TMED3: variants seen among roughly 807,000 people sequenced by gnomAD.
TMED3 encodes the protein transmembrane emp24 domain-containing protein 3.
A neutral mutation model predicts 15.0 loss-of-function variants in TMED3; 9 were observed. The observed-to-expected ratio is 0.60, with a 90% confidence interval of 0.36 to 1.04. The LOEUF is 1.04. Among genes scored for constraint, TMED3 ranks in the 50% least tolerant of loss-of-function variants. The pLI is 0.01. For missense variants in TMED3, 267 were observed against 278.9 expected (o/e 0.96, Z 0.30); for synonymous variants, 117 against 121.4 (o/e 0.96, Z 0.24).
At chr15:79,400,544 A>C (rs1445903724) in intron 2 of TMED3, among the ~76,000 whole-genome samples, 1 of 152,250 alleles carries the variant, frequency 6.6e-6, no homozygotes, top group Non-Finnish European at 1.5e-5. Context: ...CCTAGGGTCT[A>C]GAGTTGATTA....
chr15:79,339,560 T>C (rs1028395177), intron 2 of TMED3, among the ~76,000 whole-genome samples: 3 of 152,198 alleles, frequency 2.0e-5, no homozygotes, highest in African/African-American at 7.2e-5. Context: ...CAGTGTCGGA[T>C]AGCTCCAAAT....
intron 2 of TMED3, among the ~76,000 whole-genome samples, chr15:79,339,213 C>G (rs2058840045): frequency 6.6e-6 from 1 of 152,198 alleles, no homozygotes; most frequent in South Asian, 2.1e-4. Context: ...GGCCCCCTGT[C>G]CAGTGGACAC....
At chr15:79,328,244 C>T (rs1358577605) in intron 2 of TMED3, among the ~76,000 whole-genome samples, 1 of 152,160 alleles carries the variant, frequency 6.6e-6, no homozygotes, top group Non-Finnish European at 1.5e-5. Flanking sequence ...GGCTGATCCT[C>T]TTAGGATCAC....
intron 2 of TMED3, among the ~76,000 whole-genome samples, chr15:79,388,723 G>A (rs1595908775): frequency 6.6e-6 from 1 of 152,126 alleles, no homozygotes; most frequent in Admixed American, 6.5e-5. Flanking sequence ...GTGTAAAAGT[G>A]TTCCCTGATC....
chr15:79,342,303 GAA>G (rs1191423678), intron 2 of TMED3, among the ~76,000 whole-genome samples: 3 of 152,140 alleles, frequency 2.0e-5, no homozygotes, highest in South Asian at 4.2e-4. Flanking sequence ...TTGTATACAA[GAA>G]ACACAATTAA....
At chr15:79,347,327 AAC>A (rs2141231837) in intron 2 of TMED3, among the ~76,000 whole-genome samples, 1 of 152,322 alleles carries the variant, frequency 6.6e-6, no homozygotes, top group East Asian at 1.9e-4. Flanking sequence ...AATAAAATTC[AAC>A]ACTGCTTCAT....
At chr15:79,353,165 A>C (rs1210375221) in intron 2 of TMED3, among the ~76,000 whole-genome samples, 1 of 69,726 alleles carries the variant, frequency 1.4e-5, no homozygotes, top group African/African-American at 6.4e-5. Flanking sequence ...ATATATAAAT[A>C]TATATACATA....
At chr15:79,394,997 T>C (rs1893744883) in intron 2 of TMED3, among the ~76,000 whole-genome samples, 1 of 152,220 alleles carries the variant, frequency 6.6e-6, no homozygotes. Context: ...TTATAGGCTA[T>C]CAAGCTATGT....
At chr15:79,413,036 A>C (rs993312632) in exon 3 of TMED3, 1 of 152,180 alleles carries the variant, frequency 6.6e-6, no homozygotes, top group African/African-American at 2.4e-5. Context: ...CCTCAAGGTC[A>C]TCAAATAGGA....
intron 2 of TMED3, among the ~76,000 whole-genome samples, chr15:79,359,174 G>T (rs1476600445): frequency 6.6e-6 from 1 of 151,678 alleles, no homozygotes; most frequent in African/African-American, 2.4e-5. Context: ...AAAGTGGACT[G>T]TGTGCTTATT....
intron 2 of TMED3, among the ~76,000 whole-genome samples, chr15:79,387,575 TACAC>T (rs576447801): frequency 1.4e-5 from 2 of 147,128 alleles, no homozygotes; most frequent in African/African-American, 2.5e-5. Flanking sequence ...GAAATTAAAA[TACAC>T]ACACACATGC....
intron 2 of TMED3, among the ~76,000 whole-genome samples, chr15:79,381,580 T>C (rs1893536665): frequency 6.6e-6 from 1 of 152,224 alleles, no homozygotes; most frequent in African/African-American, 2.4e-5. Flanking sequence ...CAGAGGTTTG[T>C]TCCCCTGCCC....
At chr15:79,394,675 C>T (rs1893740011) in intron 2 of TMED3, among the ~76,000 whole-genome samples, 2 of 152,226 alleles carry the variant, frequency 1.3e-5, no homozygotes, top group South Asian at 4.1e-4. Flanking sequence ...CATTCTTTCT[C>T]CTGCTACGTT....
chr15:79,387,611 CACACACACAT>C (rs1893642988), intron 2 of TMED3, among the ~76,000 whole-genome samples: 1 of 151,920 alleles, frequency 6.6e-6, no homozygotes. Context: ...CACACACACA[CACACACACAT>C]ACACACACAC....
intron 2 of TMED3, among the ~76,000 whole-genome samples, chr15:79,344,949 T>C (rs983303496): frequency 3.9e-5 from 6 of 152,142 alleles, no homozygotes; most frequent in African/African-American, 1.4e-4. Context: ...TTTTGTTTTA[T>C]AATTTGAGAG....
intron 2 of TMED3, among the ~76,000 whole-genome samples, chr15:79,336,257 T>G (rs1360849968): frequency 6.6e-6 from 1 of 152,232 alleles, no homozygotes; most frequent in African/African-American, 2.4e-5. Flanking sequence ...TTCCCCTCTC[T>G]GAACCTCTGT....
chr15:79,383,974 C>G (rs1043518267), intron 2 of TMED3: 1 of 152,166 alleles, frequency 6.6e-6, no homozygotes, highest in African/African-American at 2.4e-5. Flanking sequence ...GGGCATGATT[C>G]AGCCCAGAGA....
intron 2 of TMED3, among the ~76,000 whole-genome samples, chr15:79,342,693 AT>A (rs1252801312): frequency 6.6e-6 from 1 of 152,206 alleles, no homozygotes; most frequent in African/African-American, 2.4e-5. Flanking sequence ...AAAAACTCAT[AT>A]TACAACTCAT....
At chr15:79,332,734 A>G (rs80353182) in intron 2 of TMED3, among the ~76,000 whole-genome samples, 1,768 of 152,222 alleles carry the variant, frequency 0.012, 37 homozygotes, top group African/African-American at 0.041. Flanking sequence ...GTGATTTCCC[A>G]TGGATTAATA....
Sources: allele counts gnomAD v4.1 joint callset (sites outside exome capture counted in the v4.1 genomes callset), GRCh38; gene constraint gnomAD v4.1.1; transcripts MANE v1.5; gene names NCBI Gene and HGNC (gene_info 2026-07-23, HGNC 2026-07-21).